The following SAMSN1 variants were observed in gnomAD, a reference collection of about 807,000 sequenced individuals.
SAMSN1 encodes the protein SAM domain, SH3 domain and nuclear localization signals 1.
Under a neutral mutation model 42.0 loss-of-function variants are expected in SAMSN1, and 31 were observed. That is an observed-to-expected ratio of 0.74 (90% CI 0.55 to 1.00). The LOEUF (loss-of-function observed/expected upper bound fraction) is 1.00. Among genes scored for constraint, SAMSN1 ranks in the 50% least tolerant of loss-of-function variants. The pLI is 0.00. For missense variants in SAMSN1, 464 were observed against 439.4 expected (o/e 1.06, Z -0.50); for synonymous variants, 178 against 151.9 (o/e 1.17, Z -1.26).
chr21:14,597,627 G>A (rs458143), intron 6 of SAMSN1, among the ~76,000 whole-genome samples: 86,604 of 152,062 alleles, frequency 0.57, 27,027 homozygotes, highest in African/African-American at 0.84. Context: ...AAATGTATTC[G>A]GCTTTGAGGA....
intron 2 of SAMSN1, among the ~76,000 whole-genome samples, chr21:14,577,897 C>T (rs1480299689): frequency 1.3e-5 from 2 of 152,166 alleles, no homozygotes; most frequent in African/African-American, 2.4e-5. Context: ...TATTTCTTCA[C>T]TCCCTGATCC....
intron 1 of SAMSN1, among the ~76,000 whole-genome samples, chr21:14,527,764 A>G (rs1236657477): frequency 8.8e-5 from 4 of 45,658 alleles, no homozygotes; most frequent in African/African-American, 1.1e-4. Flanking sequence ...TAGAACTAAA[A>G]AAAAAAAAAA....
intron 7 of SAMSN1, among the ~76,000 whole-genome samples, chr21:14,590,482 T>C (rs1982049079): frequency 6.6e-6 from 1 of 152,118 alleles, no homozygotes; most frequent in Admixed American, 6.6e-5. Context: ...GAAGTCTCAC[T>C]ATGTTGCCCA....
At chr21:14,532,608 A>G (rs768750727) in intron 1 of SAMSN1, among the ~76,000 whole-genome samples, 2 of 152,232 alleles carry the variant, frequency 1.3e-5, no homozygotes, top group Non-Finnish European at 2.9e-5. Context: ...AACTCAGTTT[A>G]TAATCACTCC....
At chr21:14,535,348 T>C (rs1449243713) in intron 1 of SAMSN1, among the ~76,000 whole-genome samples, 1 of 152,074 alleles carries the variant, frequency 6.6e-6, no homozygotes, top group Non-Finnish European at 1.5e-5. Context: ...AAGGAAAGAA[T>C]AACAAAGACT....
intron 1 of SAMSN1, among the ~76,000 whole-genome samples, chr21:14,537,767 C>T (rs1210602243): frequency 1.3e-5 from 2 of 152,108 alleles, no homozygotes; most frequent in Admixed American, 1.3e-4. Context: ...AACCATCAAC[C>T]TAGAGCATCA....
intron 7 of SAMSN1, among the ~76,000 whole-genome samples, chr21:14,590,724 A>G (rs1982059176): frequency 6.6e-6 from 1 of 152,250 alleles, no homozygotes; most frequent in South Asian, 2.1e-4. Flanking sequence ...GCTTAGAGAC[A>G]GGAAGAAGAG....
At chr21:14,518,461 G>A (rs111747391) in intron 2 of SAMSN1, among the ~76,000 whole-genome samples, 3 of 151,778 alleles carry the variant, frequency 2.0e-5, no homozygotes, top group African/African-American at 7.3e-5. Flanking sequence ...TTTTCTTGGA[G>A]GACATGTTTG....
At chr21:14,568,262 T>G (rs1981184062) in intron 2 of SAMSN1, among the ~76,000 whole-genome samples, 1 of 152,190 alleles carries the variant, frequency 6.6e-6, no homozygotes, top group Admixed American at 6.5e-5. Context: ...GGCCTCTGAT[T>G]CTCAATTAGA....
chr21:14,602,618 A>T (rs1206754363), intron 5 of SAMSN1, among the ~76,000 whole-genome samples: 1 of 152,264 alleles, frequency 6.6e-6, no homozygotes. Flanking sequence ...TTTCAAATGC[A>T]GCAGCACTTC....
intron 7 of SAMSN1, among the ~76,000 whole-genome samples, chr21:14,489,319 G>A (rs9983264): frequency 0.011 from 1,725 of 152,164 alleles, 33 homozygotes; most frequent in African/African-American, 0.04. Flanking sequence ...ATACTAAAAC[G>A]TTTCTGATAA....
intron 2 of SAMSN1, among the ~76,000 whole-genome samples, chr21:14,569,141 TAAA>T (rs1981209405): frequency 6.8e-6 from 1 of 146,384 alleles, no homozygotes; most frequent in East Asian, 2.0e-4. Flanking sequence ...AAAAAAAAAA[TAAA>T]AATAGCTAGG....
intron 2 of SAMSN1, among the ~76,000 whole-genome samples, chr21:14,577,134 C>T (rs1981496314): frequency 8.0e-6 from 1 of 125,180 alleles, no homozygotes; most frequent in African/African-American, 3.1e-5. Flanking sequence ...CGGCTCATTG[C>T]AACCTCCACC....
At chr21:14,656,624 C>T (rs966107068) in intron 1 of SAMSN1, among the ~76,000 whole-genome samples, 1 of 151,690 alleles carries the variant, frequency 6.6e-6, no homozygotes, top group Non-Finnish European at 1.5e-5. Flanking sequence ...TTCTGCCTCC[C>T]TTATGAAAGA....
Position 14,609,276 on chromosome 21 carries a change from A to G in SAMSN1, c.322+206T>C, listed in dbSNP as rs1006412998. Among the ~76,000 whole-genome samples the G allele has an allele frequency of 4.8e-4, 73 of 152,238 alleles. 1 individual carries two copies. Among genetic ancestry groups the G allele is most frequent in the African/African-American group, 1.7e-3 (69 of 41,538 alleles). Reference sequence around the variant, plus strand: ...TCCTTTCTGTACATGTGTCTATGTGATATATATACACATATATATATGTAT... The same window carrying G: ...TCCTTTCTGTACATGTGTCTATGTGGTATATATACACATATATATATGTAT... On this transcript the variant is annotated intron_variant, in intron 5 of 15. Coordinates refer to the SAMSN1 transcript ENST00000647101.
At chr21:14,584,379 A>C (rs1981854506), upstream of SAMSN1, among the ~76,000 whole-genome samples, 1 of 152,218 alleles carries the variant, frequency 6.6e-6, no homozygotes, top group Admixed American at 6.5e-5. Context: ...CATGTTTTAG[A>C]ATATGTGTCA....
chr21:14,598,800 T>C (rs1386854040), intron 6 of SAMSN1, among the ~76,000 whole-genome samples: 1 of 152,226 alleles, frequency 6.6e-6, no homozygotes, highest in East Asian at 1.9e-4. Context: ...GGTCATATGA[T>C]AATTATAACT....
At chr21:14,655,609 C>T (rs1359217851) in intron 1 of SAMSN1, among the ~76,000 whole-genome samples, 1 of 151,408 alleles carries the variant, frequency 6.6e-6, no homozygotes, top group South Asian at 2.1e-4. Flanking sequence ...AAAGTTTACC[C>T]ACGTCAAAAT....
chr21:14,597,496 GTT>G (rs1285337462), intron 6 of SAMSN1, among the ~76,000 whole-genome samples: 1 of 152,162 alleles, frequency 6.6e-6, no homozygotes, highest in Non-Finnish European at 1.5e-5. Context: ...GGCTAGTTTA[GTT>G]TGTGCAATAA....
Sources: allele counts gnomAD v4.1 joint callset (sites outside exome capture counted in the v4.1 genomes callset), GRCh38; gene constraint gnomAD v4.1.1; transcripts MANE v1.5; gene names NCBI Gene and HGNC (gene_info 2026-07-23, HGNC 2026-07-21).